SYNE2: variants seen among roughly 807,000 people sequenced by gnomAD.
The protein encoded by SYNE2 is spectrin repeat containing nuclear envelope protein 2.
SYNE2 carries 431 observed loss-of-function variants against 856.3 expected under a neutral mutation model. That is an observed-to-expected ratio of 0.50 (90% CI 0.47 to 0.55). The LOEUF (loss-of-function observed/expected upper bound fraction) is 0.55, where lower values mean the gene tolerates loss of function less well. SYNE2 is among the 20% of genes least tolerant of loss of function. SYNE2 has a pLI of 0.00. For synonymous variants in SYNE2, 2,923 were observed against 2,872.3 expected (o/e 1.02, Z -0.56); for missense variants, 8,129 against 8,023.2 (o/e 1.01, Z -0.50).
chr14:64,160,098 A>T (rs190804553), intron 87 of SYNE2, among the ~76,000 whole-genome samples: 2 of 152,310 alleles, frequency 1.3e-5, no homozygotes, highest in Admixed American at 1.3e-4. Context: ...AACTTCGAAC[A>T]AGTAATGAAC....
intron 65 of SYNE2, chr14:64,113,138 C>T (rs967261028): frequency 6.1e-6 from 6 of 985,378 alleles, no homozygotes; most frequent in Middle Eastern, 5.2e-4. Context: ...CCTGCTTACT[C>T]GCAGATCGGC....
At chr14:64,021,204 T>G in intron 35 of SYNE2, 111 bp from the exon 36 acceptor site, 2 of 839,374 alleles carry the variant, frequency 2.4e-6, no homozygotes, top group Non-Finnish European at 4.0e-6. Context: ...ATGAAAAGAA[T>G]GCATTTCACA....
chr14:63,940,305 C>T (rs2095893078), intron 2 of SYNE2, among the ~76,000 whole-genome samples: 2 of 152,154 alleles, frequency 1.3e-5, no homozygotes, highest in Non-Finnish European at 2.9e-5. Context: ...ATCTGCTTAC[C>T]TCGGCCTCCC....
At chr14:63,875,637 C>T (rs2094697818) in intron 1 of SYNE2, among the ~76,000 whole-genome samples, 1 of 151,440 alleles carries the variant, frequency 6.6e-6, no homozygotes, top group Non-Finnish European at 1.5e-5. Context: ...TTGTTGGAGA[C>T]TAACAGAATA....
chr14:63,877,494 A>G (rs1388510542), intron 1 of SYNE2, among the ~76,000 whole-genome samples: 1 of 152,082 alleles, frequency 6.6e-6, no homozygotes, highest in Non-Finnish European at 1.5e-5. Flanking sequence ...ACATTCTCAT[A>G]TTTTGCCGTA....
chr14:64,050,455 C>T (rs914015050), intron 47 of SYNE2, among the ~76,000 whole-genome samples: 1 of 152,212 alleles, frequency 6.6e-6, no homozygotes, highest in Non-Finnish European at 1.5e-5. Flanking sequence ...ATTTATGAAA[C>T]AATTCGCACT....
At chr14:64,002,644 G>T in intron 29 of SYNE2, 76 bp from the exon 30 acceptor site, 1 of 1,530,426 alleles carries the variant, frequency 6.5e-7, no homozygotes, top group Non-Finnish European at 8.9e-7. Flanking sequence ...TAGTCATGCA[G>T]TTTGGGGCTA....
chr14:64,145,220 C>A (rs1409209654), intron 83 of SYNE2, among the ~76,000 whole-genome samples: 4 of 149,894 alleles, frequency 2.7e-5, no homozygotes, highest in Non-Finnish European at 5.9e-5. Flanking sequence ...AGCCACCACG[C>A]CTGGCCGGGC....
At chr14:64,128,367 C>T in intron 73 of SYNE2, 85 bp from the exon 74 acceptor site, 1 of 762,838 alleles carries the variant, frequency 1.3e-6, no homozygotes, top group South Asian at 1.5e-5. Flanking sequence ...TCTAGTGTCA[C>T]AAAAATTATA....
intron 1 of SYNE2, among the ~76,000 whole-genome samples, chr14:63,901,797 G>A (rs2095340726): frequency 6.6e-6 from 1 of 152,112 alleles, no homozygotes; most frequent in Non-Finnish European, 1.5e-5. Flanking sequence ...GGTGGCGTGT[G>A]CCTGTAGTTC....
chr14:64,160,291 C>T (rs533843802), intron 87 of SYNE2, among the ~76,000 whole-genome samples: 5 of 152,136 alleles, frequency 3.3e-5, no homozygotes, highest in Non-Finnish European at 5.9e-5. Flanking sequence ...TCAGTTGTTA[C>T]GCTGCACGTA....
Position 63,981,066 on chromosome 14 carries a change from G to A in SYNE2, c.1729G>A (p.Val577Met), listed in dbSNP as rs768399751. 25 of 1,601,436 alleles carry A rather than the reference G, an allele frequency of 1.6e-5. No homozygotes were observed. The highest frequency in any genetic ancestry group is 1.1e-4 in the South Asian group (10 of 90,686). Reference protein sequence around the residue: ...VCMYRKNIYNVKSTLQKVLAC... With the variant: ...VCMYRKNIYNMKSTLQKVLAC... ...TATGTATAGAAAAAATATATATAAT[G>A]TGAAGTCCACTCTACAAAAAGTGCT... The change falls in exon 16 of 116, where the codon GTG (valine) becomes ATG (methionine). Residue 577 changes from valine to methionine, a missense_variant. Val to Met is a conservative substitution (Grantham distance 21). Transcript: ENST00000555002.
At chr14:64,209,355 CAG>C (rs1465785798) in intron 101 of SYNE2, 71 bp from the exon 102 acceptor site, 29 of 1,611,896 alleles carry the variant, frequency 1.8e-5, no homozygotes, top group Admixed American at 1.3e-4. Context: ...GTGCGGGTGT[CAG>C]GGGATAAAAG....
intron 1 of SYNE2, among the ~76,000 whole-genome samples, chr14:63,903,736 T>A (rs545877858): frequency 2.0e-4 from 31 of 152,318 alleles, no homozygotes; most frequent in African/African-American, 7.5e-4. Context: ...TTATTTTTAA[T>A]GTAAATACAA....
intron 53 of SYNE2, among the ~76,000 whole-genome samples, 200 bp downstream of exon 53, chr14:64,074,336 G>A (rs2097439259): frequency 6.6e-6 from 1 of 152,218 alleles, no homozygotes; most frequent in East Asian, 1.9e-4. Context: ...GCAGAGAACA[G>A]AGTTGAAACA....
intron 1 of SYNE2, among the ~76,000 whole-genome samples, chr14:63,826,459 C>T (rs1889434929): frequency 6.6e-6 from 1 of 152,066 alleles, no homozygotes; most frequent in Non-Finnish European, 1.5e-5. Flanking sequence ...GCCACCACAC[C>T]CAGCTAATTT....
chr14:64,130,380 A>G (rs1157298256), intron 76 of SYNE2, 132 bp downstream of exon 76: 19 of 860,350 alleles, frequency 2.2e-5, no homozygotes, highest in South Asian at 4.4e-5. Flanking sequence ...ATAAACATCT[A>G]TTAGAATGCT....
At chr14:64,200,172 A>G (rs1004909400) in intron 99 of SYNE2, among the ~76,000 whole-genome samples, 2 of 152,228 alleles carry the variant, frequency 1.3e-5, no homozygotes, top group Admixed American at 6.5e-5. Context: ...AAAAATATAT[A>G]TAAATAAATA....
intron 18 of SYNE2, among the ~76,000 whole-genome samples, chr14:63,984,574 T>C (rs974021107): frequency 6.6e-6 from 1 of 152,212 alleles, no homozygotes; most frequent in African/African-American, 2.4e-5. Context: ...TTCCTTGTTT[T>C]GTTGGGTAAT....
Sources: allele counts gnomAD v4.1 joint callset (sites outside exome capture counted in the v4.1 genomes callset), GRCh38; gene constraint gnomAD v4.1.1; transcripts MANE v1.5; gene names NCBI Gene and HGNC (gene_info 2026-07-23, HGNC 2026-07-21).